ETAA1: variants seen among roughly 807,000 people sequenced by gnomAD.
ETAA1 encodes ewing's tumor-associated antigen 1.
In ETAA1, 49 loss-of-function variants were observed where a neutral mutation model predicts 76.8. The ratio of observed to expected loss-of-function variants is 0.64; its 90% confidence interval spans 0.51 to 0.81. ETAA1 has a LOEUF of 0.81. ETAA1 is among the 30% of genes least tolerant of loss of function. The pLI is 0.00. For synonymous variants in ETAA1, 373 were observed against 372.2 expected, an observed-to-expected ratio of 1.00 and a Z score of -0.03; for missense variants, 1,099 against 1,074.0, an observed-to-expected ratio of 1.02 and a Z score of -0.32.
rs1676332699 is a variant in ETAA1 at position 67,410,087 on chromosome 2, G to A, written c.*49G>A. 7.9e-7 allele frequency: 1 copy of A among 1,258,530 alleles called. No individual in the cohort carries two copies. The highest frequency in any genetic ancestry group is 1.1e-6 in the Non-Finnish European group (1 of 923,814). 78.0% of individuals were successfully genotyped at this position (1,258,530 alleles called of 1,614,324 possible). On this transcript the variant is annotated 3_prime_UTR_variant, in exon 6 of 6. Transcript: ENST00000272342. ...ACGAAGACTGCTGATAACTATCTGT[G>A]ATTGATAGGAAATTTTTTTTCTTGA...
intron 5 of ETAA1, among the ~76,000 whole-genome samples, chr2:67,406,734 G>A (rs1558582675): frequency 6.6e-6 from 1 of 151,926 alleles, no homozygotes; most frequent in Admixed American, 6.6e-5. Flanking sequence ...ACGTATATAT[G>A]TGTATGCATA....
chr2:67,399,603 ATTG>A lies in ETAA1; in HGVS notation c.409_411del (p.Val137del). ...CACAGATAGTGATGAGATTTCACAT[ATTG>A]TTAATCGTATTGCTCCTCAGGTAAA... On this transcript the variant is annotated inframe_deletion, in exon 3 of 6. Transcript: ENST00000272342. 1.2e-6 allele frequency: 2 copies of A among 1,608,526 alleles called. No individual in the cohort carries two copies. Among genetic ancestry groups the A allele is most frequent in the Non-Finnish European group, 8.5e-7 (1 of 1,176,274 alleles).
chr2:67,403,187 C>T, intron 4 of ETAA1, 38 bp from the exon 5 acceptor site: 1 of 1,353,382 alleles, frequency 7.4e-7, no homozygotes, highest in Non-Finnish European at 1.0e-6. Flanking sequence ...TATAATGTTT[C>T]AGAACATTTT....
In ETAA1 at chr2:67,410,624, T is replaced by G. The variant is rs1676347776; in HGVS notation, c.*586T>G. On this transcript the variant is annotated 3_prime_UTR_variant, in exon 6 of 6. Coordinates refer to ENST00000272342, the MANE Select transcript of ETAA1 (RefSeq NM_019002.4). ...ACATTTTGGAAACTTTCCACCATAT[T>G]TAGGAAAACTTTGATTTTAGAAGTC... 6.6e-6 allele frequency: 1 copy of G among 152,050 alleles called. No individual in the cohort carries two copies. The highest frequency in any genetic ancestry group is 1.5e-5 in the Non-Finnish European group (1 of 67,958). The allele number at this position is 152,050 out of a possible 1,614,324, so 9.4% of individuals were successfully genotyped here.
At position 67,403,330 on chromosome 2, in the gene ETAA1, T is replaced by C. The variant is rs1307184493; in HGVS notation, c.648T>C (p.Tyr216=). The change falls in exon 5 of 6, where the codon TAT becomes TAC. Residue 216 remains tyrosine (Y), a synonymous_variant. Transcript: ENST00000272342. The part of the protein sequence containing the change: ...DVIQEQNKRN[Y]DFTQMISETE... ...TTCAAGAGCAAAACAAGAGGAATTA[T>C]GATTTTACCCAGATGATTTCAGAAA... The C allele has an allele frequency of 1.2e-6, 2 of 1,606,674 alleles. No homozygotes were observed. The highest frequency in any genetic ancestry group is 2.7e-5 in the African/African-American group (2 of 74,586).
chr2:67,398,273 G>A (rs1010543201), intron 1 of ETAA1, among the ~76,000 whole-genome samples: 1 of 143,418 alleles, frequency 7.0e-6, no homozygotes, highest in Non-Finnish European at 1.5e-5. Context: ...TCATACAAAA[G>A]CCTTTATTCT....
chr2:67,407,557 G>A (rs1340428516), intron 5 of ETAA1, among the ~76,000 whole-genome samples: 2 of 152,054 alleles, frequency 1.3e-5, no homozygotes, highest in Non-Finnish European at 2.9e-5. Flanking sequence ...GGTTAGAGGC[G>A]CTGATCTGAT....
intron 5 of ETAA1, 150 bp downstream of exon 5, chr2:67,405,485 A>G (rs1676192525): frequency 1.7e-6 from 1 of 586,426 alleles, no homozygotes; most frequent in African/African-American, 1.9e-5. Flanking sequence ...TCTTAAAATG[A>G]TACTTGGAAA....
At position 67,410,762 on chromosome 2, in the gene ETAA1, G is replaced by T. The variant is rs368558462; in HGVS notation, c.*724G>T. 1 of 151,938 alleles carries T rather than the reference G, an allele frequency of 6.6e-6. No individual in the cohort carries two copies. Among genetic ancestry groups the T allele is most frequent in the Non-Finnish European group, 1.5e-5 (1 of 67,922 alleles). 9.4% of individuals were successfully genotyped at this position (151,938 alleles called of 1,614,324 possible). A position where few individuals can be genotyped will look rare whatever the true frequency, so the allele number is the denominator to read the frequency against. ...TCTGGTCCAGCTTCCTTATTGTATCGGTGAGAAAAAGTAATACTGTTTTCA... is the reference window on the plus strand; with the variant it reads ...TCTGGTCCAGCTTCCTTATTGTATCTGTGAGAAAAAGTAATACTGTTTTCA... On this transcript the variant is annotated 3_prime_UTR_variant, in exon 6 of 6. Transcript: ENST00000272342.
chr2:67,404,785 A>G lies in ETAA1; in HGVS notation c.2103A>G (p.Ser701=), dbSNP rs373138132. The part of the protein sequence containing the change: ...QSKHLNPGSI[S]VQTSLTNSSQ... ...AGCATTTGAATCCAGGCAGCATTTCAGTGCAGACATCTTTGACAAATAGCT... is the reference window on the plus strand; with the variant it reads ...AGCATTTGAATCCAGGCAGCATTTCGGTGCAGACATCTTTGACAAATAGCT... The change falls in exon 5 of 6, where the codon TCA becomes TCG. Residue 701 remains serine, a synonymous_variant. Coordinates refer to ENST00000272342, the MANE Select transcript of ETAA1 (RefSeq NM_019002.4). 6 of 1,613,338 alleles carry G rather than the reference A, an allele frequency of 3.7e-6. No homozygotes were observed. Among genetic ancestry groups the G allele is most frequent in the Non-Finnish European group, 5.1e-6 (6 of 1,179,588 alleles).
intron 1 of ETAA1, 111 bp downstream of exon 1, chr2:67,397,782 T>G (rs886171226): frequency 8.9e-7 from 1 of 1,125,690 alleles, no homozygotes; most frequent in Non-Finnish European, 1.3e-6. Flanking sequence ...GTATTCTGTC[T>G]CTGGGATTCA....
chr2:67,405,350 T>C lies in ETAA1; in HGVS notation c.2653+15T>C, dbSNP rs1308392395. On this transcript the variant is annotated intron_variant, in intron 5 of 5. Transcript: ENST00000272342. ...ATCTTCAAAAGGTATGTATGAAATA[T>C]GAAATAGTTTTCTTTGAAAAGCATC... is the stretch of plus-strand genomic sequence containing the variant. The C allele has an allele frequency of 2.7e-6, 4 of 1,487,476 alleles. No individual in the cohort carries two copies. The African/African-American group carries it at 4.2e-5, about 16-fold the overall frequency. 92.1% of individuals were successfully genotyped at this position (1,487,476 alleles called of 1,614,324 possible).
chr2:67,398,165 A>AT (rs1230652181), intron 1 of ETAA1, among the ~76,000 whole-genome samples: 1 of 152,174 alleles, frequency 6.6e-6, no homozygotes, highest in Non-Finnish European at 1.5e-5. Flanking sequence ...TGTGTGTAAC[A>AT]TCCCTCCAAA....
At chr2:67,403,117 TA>T in intron 4 of ETAA1, 107 bp from the exon 5 acceptor site, 1 of 1,124,600 alleles carries the variant, frequency 8.9e-7, no homozygotes, top group East Asian at 2.7e-5. Flanking sequence ...GGAGTTAAAA[TA>T]ATTATAACTG....
At chr2:67,406,123 A>G (rs1242161171) in intron 5 of ETAA1, among the ~76,000 whole-genome samples, 2 of 152,108 alleles carry the variant, frequency 1.3e-5, no homozygotes, top group Non-Finnish European at 2.9e-5. Context: ...TTCAAATAAA[A>G]TCCAAACTGT....
In ETAA1 at chr2:67,397,362, C is replaced by A; in HGVS notation, c.-87C>A. ...ACCAAAATGGCGGCTGCCGTTGGTG[C>A]GGGGTGCGGTTTGTAGTGCTGTTGC... On this transcript the variant is annotated 5_prime_UTR_variant, in exon 1 of 6. Coordinates refer to ENST00000272342, the MANE Select transcript of ETAA1 (RefSeq NM_019002.4). 2.9e-6 allele frequency: 4 copies of A among 1,368,102 alleles called. No individual in the cohort carries two copies. Among genetic ancestry groups the A allele is most frequent in the African/African-American group, 1.4e-5 (1 of 69,234 alleles). The allele number at this position is 1,368,102 out of a possible 1,614,324, so 84.7% of individuals were successfully genotyped here. A position where few individuals can be genotyped will look rare whatever the true frequency, so the allele number is the denominator to read the frequency against.
Position 67,404,019 on chromosome 2 carries a change from A to C in ETAA1, c.1337A>C (p.Asp446Ala). The C allele has an allele frequency of 6.2e-7, 1 of 1,607,574 alleles. No individual in the cohort carries two copies. ...TTAGGAGATTCAAAAGTATTACAAG[A>C]TCTTTCTTCAAAGACATATGACAGA... is the stretch of plus-strand genomic sequence containing the variant. ...ARLGDSKVLQ[D>A]LSSKTYDREL... The change falls in exon 5 of 6, where the codon GAT becomes GCT. Residue 446 changes from aspartate to alanine, a missense_variant. Around this residue, in one of 3 missense-constraint regions of ETAA1, gnomAD observed 761 missense variants for 731.9 expected, o/e 1.04. Transcript: ENST00000272342.
chr2:67,403,593 C>G lies in ETAA1; in HGVS notation c.911C>G (p.Ala304Gly), dbSNP rs561922079. ...CAGTTAAGCCAAGAACTGCCAGAGG[C>G]TTTTTGGAGCACCAGTAATACTACC... ...SGQLSQELPE[A>G]FWSTSNTTFV... The change falls in exon 5 of 6, where the codon GCT (alanine) becomes GGT (glycine). Residue 304 changes from alanine (A) to glycine (G), a missense_variant. Coordinates refer to ENST00000272342, the MANE Select transcript of ETAA1 (RefSeq NM_019002.4). 9.9e-6 allele frequency: 16 copies of G among 1,613,276 alleles called. No homozygotes were observed. The highest frequency in any genetic ancestry group is 1.7e-5 in the Admixed American group (1 of 59,964).
chr2:67,399,208 C>A lies in ETAA1; in HGVS notation c.263C>A (p.Ser88Ter). The A allele has an allele frequency of 6.2e-7, 1 of 1,613,240 alleles. No homozygotes were observed. Among genetic ancestry groups the A allele is most frequent in the Non-Finnish European group, 8.5e-7 (1 of 1,179,368 alleles). The part of the protein sequence containing the change: ...ETPKRALKMD[S>*]LSSSFSSPND... The stretch of plus-strand genomic sequence containing the variant: ...CCAAAGAGAGCGCTGAAAATGGACT[C>A]ACTGTCATCTTCCTTCAGTTCTCCT... The change falls in exon 2 of 6, where the codon TCA becomes TAA. Residue 88 changes from serine to a stop codon, truncating the protein, a stop_gained. Transcript: ENST00000272342. LOFTEE classifies it high-confidence loss of function.
Sources: gnomAD v4.1 joint callset for allele counts (sites outside exome capture counted in the v4.1 genomes callset) on GRCh38, gnomAD v4.1.1 for gene constraint, gnomAD v4.1.1 regional missense constraint, MANE v1.5 for transcripts, NCBI Gene and HGNC (gene_info 2026-07-23, HGNC 2026-07-21) for gene names.